SMYD3: variants seen among roughly 807,000 people sequenced by gnomAD.
SMYD3 encodes SET and MYND domain containing 3, also known as histone-lysine N-methyltransferase SMYD3.
In SMYD3, 36 loss-of-function variants were observed where a neutral mutation model predicts 57.7. That is an observed-to-expected ratio of 0.62 (90% CI 0.48 to 0.82). The LOEUF (loss-of-function observed/expected upper bound fraction) is 0.82, where lower values mean the gene tolerates loss of function less well. Among genes scored for constraint, SMYD3 ranks in the 40% least tolerant of loss-of-function variants. SMYD3 has a pLI of 0.00. For missense variants in SMYD3, 515 were observed against 538.8 expected (o/e 0.96, Z 0.44); for synonymous variants, 211 against 195.0 (o/e 1.08, Z -0.68).
chr1:246,275,511 T>A (rs79466741), intron 5 of SMYD3, among the ~76,000 whole-genome samples: 2 of 124,012 alleles, frequency 1.6e-5, no homozygotes. Context: ...CTGATGCCCA[T>A]GTTTGAATAC....
At chr1:246,251,265 A>G (rs2063793663) in intron 5 of SMYD3, among the ~76,000 whole-genome samples, 1 of 152,244 alleles carries the variant, frequency 6.6e-6, no homozygotes, top group Non-Finnish European at 1.5e-5. Flanking sequence ...GATAAAGGAA[A>G]GCAGCTGGGT....
intron 5 of SMYD3, among the ~76,000 whole-genome samples, chr1:246,046,040 G>A (rs556435072): frequency 6.6e-6 from 1 of 152,220 alleles, no homozygotes; most frequent in Non-Finnish European, 1.5e-5. Context: ...CTGTAAACTA[G>A]TTCAACCATT....
At chr1:245,984,448 T>G (rs1325437172) in intron 5 of SMYD3, among the ~76,000 whole-genome samples, 1 of 152,208 alleles carries the variant, frequency 6.6e-6, no homozygotes, top group African/African-American at 2.4e-5. Context: ...TCCCCTCCTG[T>G]GCAAGGGCAT....
chr1:246,323,853 T>C (rs1023467226), intron 5 of SMYD3, among the ~76,000 whole-genome samples: 1 of 141,114 alleles, frequency 7.1e-6, no homozygotes, highest in Non-Finnish European at 1.6e-5. Flanking sequence ...GGCAAGAGAC[T>C]TGGTAAGAAA....
At chr1:246,058,157 AT>A (rs1572957352) in intron 5 of SMYD3, among the ~76,000 whole-genome samples, 2 of 152,256 alleles carry the variant, frequency 1.3e-5, no homozygotes, top group East Asian at 3.8e-4. Flanking sequence ...GTAAATACAT[AT>A]CAGTATTCAT....
At chr1:246,331,298 G>T (rs1182240192) in intron 3 of SMYD3, among the ~76,000 whole-genome samples, 1 of 152,238 alleles carries the variant, frequency 6.6e-6, no homozygotes, top group Non-Finnish European at 1.5e-5. Context: ...AATCACTTCA[G>T]TGAATTTTAG....
At chr1:245,774,677 CTTTCCCACGG>C (rs1558323113) in intron 10 of SMYD3, among the ~76,000 whole-genome samples, 1 of 121,472 alleles carries the variant, frequency 8.2e-6, no homozygotes, top group Non-Finnish European at 1.8e-5. Context: ...CTCCCTCTCC[CTTTCCCACGG>C]TCTCCCTCTC....
chr1:246,458,892 C>T (rs566265308), intron 1 of SMYD3, among the ~76,000 whole-genome samples: 1 of 152,234 alleles, frequency 6.6e-6, no homozygotes, highest in Non-Finnish European at 1.5e-5. Flanking sequence ...ATGATTATAA[C>T]ATACACGCAT....
At chr1:246,472,151 A>G (rs2067969155) in intron 1 of SMYD3, among the ~76,000 whole-genome samples, 1 of 152,192 alleles carries the variant, frequency 6.6e-6, no homozygotes, top group Admixed American at 6.6e-5. Context: ...AAGGGGCCTC[A>G]GAAAAACACA....
At chr1:246,327,396 T>C in intron 4 of SMYD3, 59 bp from the exon 5 acceptor site, 1 of 1,479,550 alleles carries the variant, frequency 6.8e-7, no homozygotes, top group Admixed American at 1.9e-5. Flanking sequence ...AGGATAATTT[T>C]CAAGTGTTCA....
At chr1:246,377,185 A>C (rs574224604) in intron 1 of SMYD3, among the ~76,000 whole-genome samples, 1 of 152,188 alleles carries the variant, frequency 6.6e-6, no homozygotes, top group Non-Finnish European at 1.5e-5. Flanking sequence ...TAAATTTTTC[A>C]AAACAAAAAT....
chr1:246,002,792 C>T (rs927145127), intron 5 of SMYD3, among the ~76,000 whole-genome samples: 5 of 152,070 alleles, frequency 3.3e-5, no homozygotes, highest in African/African-American at 1.2e-4. Flanking sequence ...CTCTGTCACC[C>T]AGCCTAGAGT....
chr1:245,822,348 G>C (rs1280852460), intron 10 of SMYD3, among the ~76,000 whole-genome samples: 14 of 142,450 alleles, frequency 9.8e-5, no homozygotes, highest in South Asian at 2.4e-4. Flanking sequence ...ATTGAACAAT[G>C]AGATCACATG....
chr1:246,243,318 G>GTA (rs949220672), intron 5 of SMYD3, among the ~76,000 whole-genome samples: 6 of 146,514 alleles, frequency 4.1e-5, no homozygotes, highest in African/African-American at 1.0e-4. Flanking sequence ...GAATATGTTG[G>GTA]TATATATATA....
At chr1:246,481,837 A>T (rs2103060556) in intron 1 of SMYD3, among the ~76,000 whole-genome samples, 1 of 151,016 alleles carries the variant, frequency 6.6e-6, no homozygotes, top group South Asian at 2.1e-4. Flanking sequence ...TCTCTGGAGA[A>T]CCTTAATACA....
intron 1 of SMYD3, among the ~76,000 whole-genome samples, chr1:246,462,784 G>A (rs1398044089): frequency 6.6e-6 from 1 of 152,116 alleles, no homozygotes. Context: ...AATAAGAAAT[G>A]AGAATTAAGA....
chr1:245,927,823 G>T, intron 7 of SMYD3, 108 bp downstream of exon 7: 1 of 767,654 alleles, frequency 1.3e-6, no homozygotes, highest in Non-Finnish European at 2.2e-6. Context: ...CTGGCAGAAG[G>T]ACAATGAAAA....
At chr1:246,132,332 G>C (rs925537998) in intron 5 of SMYD3, among the ~76,000 whole-genome samples, 3 of 152,062 alleles carry the variant, frequency 2.0e-5, no homozygotes, top group Admixed American at 6.6e-5. Context: ...AACAATCCAT[G>C]TACATGGATT....
intron 1 of SMYD3, among the ~76,000 whole-genome samples, chr1:246,419,697 A>C (rs1399720118): frequency 6.6e-6 from 1 of 152,166 alleles, no homozygotes; most frequent in Admixed American, 6.5e-5. Context: ...CTGGATTCTC[A>C]TAGGACCACT....
Sources: allele counts gnomAD v4.1 joint callset (sites outside exome capture counted in the v4.1 genomes callset), GRCh38; gene constraint gnomAD v4.1.1; transcripts MANE v1.5; gene names NCBI Gene and HGNC (gene_info 2026-07-23, HGNC 2026-07-21).